Variants in NDUFS4 observed in about 807,000 individuals in gnomAD.
NDUFS4 encodes the protein NADH:ubiquinone oxidoreductase subunit S4.
NDUFS4 carries 28 observed loss-of-function variants against 24.3 expected under a neutral mutation model. The ratio of observed to expected loss-of-function variants is 1.15; its 90% confidence interval spans 0.85 to 1.58. The LOEUF is 1.58. Ranked by LOEUF, NDUFS4 falls within the 40% of genes most tolerant of loss-of-function variation. The probability of loss-of-function intolerance (pLI) is 0.00; values close to 1 mark genes in which losing one functional copy is unlikely to be tolerated. For missense variants in NDUFS4, 223 were observed against 207.9 expected, an observed-to-expected ratio of 1.07 and a Z score of -0.45; for synonymous variants, 93 against 69.7, an observed-to-expected ratio of 1.34 and a Z score of -1.67.
chr5:53,624,827 A>G (rs1198045077), intron 2 of NDUFS4, among the ~76,000 whole-genome samples: 3 of 152,142 alleles, frequency 2.0e-5, no homozygotes, highest in South Asian at 2.1e-4. Flanking sequence ...TTCTTGTCCA[A>G]TTGCTCTGGC....
At chr5:53,602,269 T>C (rs1005840422) in intron 1 of NDUFS4, among the ~76,000 whole-genome samples, 1 of 152,232 alleles carries the variant, frequency 6.6e-6, no homozygotes, top group Non-Finnish European at 1.5e-5. Flanking sequence ...ACTTCTTTAA[T>C]ATAACAACCA....
intron 3 of NDUFS4, among the ~76,000 whole-genome samples, chr5:53,646,951 T>C (rs1751883397): frequency 1.3e-5 from 2 of 152,062 alleles, no homozygotes; most frequent in African/African-American, 2.4e-5. Context: ...ACTAGGGGTT[T>C]TGGAACTTGT....
intron 1 of NDUFS4, among the ~76,000 whole-genome samples, chr5:53,580,689 C>G (rs1200886513): frequency 6.8e-6 from 1 of 147,708 alleles, no homozygotes; most frequent in Non-Finnish European, 1.5e-5. Context: ...CTCTTTCGTC[C>G]TTCCTTTCCT....
intron 2 of NDUFS4, among the ~76,000 whole-genome samples, chr5:53,611,964 G>A (rs1750711317): frequency 6.6e-6 from 1 of 151,998 alleles, no homozygotes; most frequent in African/African-American, 2.4e-5. Context: ...TCCTACATAG[G>A]TATACCTTCA....
rs575907427 is a variant in NDUFS4, at chr5:53,560,894, G to A, written c.98+134G>A. ...ACCCTTTTCTCGGGAGAAGTCGGGC[G>A]GACTAGGGACTGTCTGCTATCAATG... On this transcript the variant is annotated intron_variant, in intron 1 of 4. Transcript: ENST00000296684. 403 of 1,532,308 alleles carry A rather than the reference G, an allele frequency of 2.6e-4. No individual in the cohort carries two copies. The African/African-American group carries it at 4.6e-3, about 18-fold the overall frequency. 94.9% of individuals were successfully genotyped at this position (1,532,308 alleles called of 1,614,324 possible). A position where few individuals can be genotyped will look rare whatever the true frequency, so the allele number is the denominator to read the frequency against.
chr5:53,580,509 TG>T (rs1479150172), intron 1 of NDUFS4, among the ~76,000 whole-genome samples: 1 of 152,226 alleles, frequency 6.6e-6, no homozygotes. Flanking sequence ...GATGTGATTC[TG>T]TATCTTTTCC....
intron 4 of NDUFS4, among the ~76,000 whole-genome samples, chr5:53,663,576 C>T (rs1335624962): frequency 6.6e-6 from 1 of 152,194 alleles, no homozygotes; most frequent in Non-Finnish European, 1.5e-5. Context: ...GATCCCTTTA[C>T]CATTATGTAA....
At chr5:53,667,821 G>C (rs999423238) in intron 4 of NDUFS4, among the ~76,000 whole-genome samples, 1 of 152,182 alleles carries the variant, frequency 6.6e-6, no homozygotes, top group Non-Finnish European at 1.5e-5. Context: ...ACTACACTTA[G>C]CCTTTTAGAA....
At chr5:53,650,974 T>A (rs1348399476) in intron 3 of NDUFS4, among the ~76,000 whole-genome samples, 5 of 152,194 alleles carry the variant, frequency 3.3e-5, no homozygotes, top group African/African-American at 1.2e-4. Flanking sequence ...TTTTATTACA[T>A]ATTGATTGAA....
intron 2 of NDUFS4, chr5:53,604,970 C>T (rs28736800): frequency 0.099 from 42,660 of 428,998 alleles, 2,526 homozygotes; most frequent in Non-Finnish European, 0.13. Flanking sequence ...GCCTGTAATC[C>T]CAGCACTTTG....
At chr5:53,590,616 A>G (rs1749918643) in intron 1 of NDUFS4, among the ~76,000 whole-genome samples, 1 of 152,178 alleles carries the variant, frequency 6.6e-6, no homozygotes, top group Admixed American at 6.5e-5. Flanking sequence ...ATAGATACAA[A>G]CATACTATTT....
At chr5:53,561,850 G>C (rs894224015) in intron 1 of NDUFS4, among the ~76,000 whole-genome samples, 15 of 152,078 alleles carry the variant, frequency 9.9e-5, no homozygotes, top group African/African-American at 3.4e-4. Flanking sequence ...TGTCCCGTAG[G>C]GTCCGTGGCT....
intron 3 of NDUFS4, among the ~76,000 whole-genome samples, chr5:53,654,706 T>C (rs1752115224): frequency 6.6e-6 from 1 of 152,170 alleles, no homozygotes. Context: ...ACTCATTCAC[T>C]TGCCGTTCTG....
Position 53,632,558 on chromosome 5 carries a change from C to T in NDUFS4, c.178-13675C>T, listed in dbSNP as rs577767348. 3.9e-5 allele frequency among the ~76,000 whole-genome samples: 6 copies of T among 152,268 alleles called. No individual in the cohort carries two copies. In the South Asian group the frequency reaches 1.2e-3, roughly 32 times the overall value. Reference sequence around the variant, plus strand: ...GCCTCAGAAATGTCATTTGACTCAGCATGCCTGAATGCCAATCCCTACCTT... The same window carrying T: ...GCCTCAGAAATGTCATTTGACTCAGTATGCCTGAATGCCAATCCCTACCTT... On this transcript the variant is annotated intron_variant, in intron 2 of 4. Transcript: ENST00000296684.
At chr5:53,637,037 G>A (rs1751577128) in intron 2 of NDUFS4, among the ~76,000 whole-genome samples, 3 of 152,166 alleles carry the variant, frequency 2.0e-5, no homozygotes, top group South Asian at 4.1e-4. Context: ...CACTTAACCT[G>A]ATTATTTACA....
intron 4 of NDUFS4, among the ~76,000 whole-genome samples, chr5:53,666,717 C>G (rs1428332425): frequency 6.6e-6 from 1 of 152,102 alleles, no homozygotes; most frequent in Non-Finnish European, 1.5e-5. Context: ...GGGTGGATCA[C>G]TTGAGGTCAG....
chr5:53,618,322 G>A (rs919149100), intron 2 of NDUFS4, among the ~76,000 whole-genome samples: 2 of 152,098 alleles, frequency 1.3e-5, no homozygotes, highest in Admixed American at 6.5e-5. Context: ...TCACTAAAAA[G>A]TGTTTTTCTT....
intron 1 of NDUFS4, among the ~76,000 whole-genome samples, chr5:53,574,030 C>T (rs1276938297): frequency 1.3e-5 from 2 of 152,136 alleles, no homozygotes; most frequent in African/African-American, 4.8e-5. Context: ...TTTGGGCTTT[C>T]TAAGAAAATA....
At chr5:53,598,129 C>G (rs187497685) in intron 1 of NDUFS4, among the ~76,000 whole-genome samples, 6 of 152,234 alleles carry the variant, frequency 3.9e-5, no homozygotes, top group Admixed American at 3.9e-4. Context: ...ATGAAGAGAG[C>G]AAGAAGTCTC....
Sources: gnomAD v4.1 joint callset for allele counts (sites outside exome capture counted in the v4.1 genomes callset) on GRCh38, gnomAD v4.1.1 for gene constraint, MANE v1.5 for transcripts, NCBI Gene and HGNC (gene_info 2026-07-23, HGNC 2026-07-21) for gene names.